DOCK3: variants seen among roughly 807,000 people sequenced by gnomAD.
DOCK3 encodes dedicator of cytokinesis 3.
A neutral mutation model predicts 265.6 loss-of-function variants in DOCK3; 60 were observed. That is an observed-to-expected ratio of 0.23 (90% CI 0.18 to 0.28). The LOEUF (loss-of-function observed/expected upper bound fraction) is 0.28, where lower values mean the gene tolerates loss of function less well. DOCK3 is among the 10% of genes least tolerant of loss of function. DOCK3 has a pLI of 1.00. For synonymous variants in DOCK3, 881 were observed against 938.0 expected (o/e 0.94, Z 1.11); for missense variants, 1,981 against 2,594.3 (o/e 0.76, Z 5.14).
At chr3:51,205,157 A>G (rs1469969953) in intron 12 of DOCK3, among the ~76,000 whole-genome samples, 1 of 152,106 alleles carries the variant, frequency 6.6e-6, no homozygotes. Context: ...GCTAAAACTT[A>G]AAGTATAATA....
intron 5 of DOCK3, among the ~76,000 whole-genome samples, chr3:51,039,222 C>G (rs1348168319): frequency 6.6e-6 from 1 of 152,084 alleles, no homozygotes; most frequent in Admixed American, 6.6e-5. Context: ...TCTCAAACTC[C>G]TCACCTCAGG....
chr3:50,891,299 G>A (rs551396006), intron 4 of DOCK3, among the ~76,000 whole-genome samples: 1 of 152,138 alleles, frequency 6.6e-6, no homozygotes, highest in African/African-American at 2.4e-5. Flanking sequence ...ATTATTAATT[G>A]TCTTGTATGC....
At chr3:50,938,895 AAAT>A (rs201599440) in intron 5 of DOCK3, among the ~76,000 whole-genome samples, 1 of 151,698 alleles carries the variant, frequency 6.6e-6, no homozygotes, top group Non-Finnish European at 1.5e-5. Context: ...TGTAAAAAAA[AAAT>A]AATAATAATA....
At chr3:51,328,081 C>T (rs2084269115) in intron 32 of DOCK3, among the ~76,000 whole-genome samples, 1 of 152,108 alleles carries the variant, frequency 6.6e-6, no homozygotes, top group South Asian at 2.1e-4. Flanking sequence ...GTGCTCCCAC[C>T]CTGAGTTTCT....
chr3:51,306,723 C>G (rs1356650380), intron 27 of DOCK3, among the ~76,000 whole-genome samples: 2 of 152,132 alleles, frequency 1.3e-5, no homozygotes, highest in African/African-American at 4.8e-5. Flanking sequence ...TTATTGTATT[C>G]TTCAATCCTA....
chr3:50,981,862 A>AT (rs1358738598), intron 5 of DOCK3, among the ~76,000 whole-genome samples: 2 of 151,158 alleles, frequency 1.3e-5, no homozygotes, highest in African/African-American at 4.9e-5. Flanking sequence ...TATTTATTTT[A>AT]TTTTTGAGAT....
chr3:51,042,754 A>G (rs1460849777), intron 5 of DOCK3, among the ~76,000 whole-genome samples: 3 of 152,238 alleles, frequency 2.0e-5, no homozygotes, highest in Admixed American at 1.3e-4. Context: ...GTCCCAGGAT[A>G]CACAATCAAT....
At chr3:50,819,628 A>G (rs2044288712) in intron 2 of DOCK3, among the ~76,000 whole-genome samples, 1 of 152,166 alleles carries the variant, frequency 6.6e-6, no homozygotes, top group South Asian at 2.1e-4. Flanking sequence ...ATGCATTAGC[A>G]TGTTAAACGA....
chr3:50,720,794 C>T (rs550210323), intron 1 of DOCK3, among the ~76,000 whole-genome samples: 1 of 152,286 alleles, frequency 6.6e-6, no homozygotes, highest in African/African-American at 2.4e-5. Flanking sequence ...TCCACAATGG[C>T]TGAACCAATT....
In DOCK3 at chr3:50,759,551, A is replaced by G. The variant is rs566039689; in HGVS notation, c.38-19124A>G. ...AGTCTTTTGCCTATTTTAAGAATCAATTTGGGTTGGGTGTTTTGGCCCACA... is the reference window on the plus strand; with the variant it reads ...AGTCTTTTGCCTATTTTAAGAATCAGTTTGGGTTGGGTGTTTTGGCCCACA... On this transcript the variant is annotated intron_variant, in intron 1 of 52. Transcript: ENST00000266037. Among the ~76,000 whole-genome samples the G allele has an allele frequency of 2.8e-4, 42 of 151,928 alleles. 1 individual carries two copies. Among genetic ancestry groups the G allele is most frequent in the Admixed American group, 1.1e-3 (17 of 15,240 alleles).
intron 14 of DOCK3, among the ~76,000 whole-genome samples, chr3:51,223,560 TAAAA>T (rs950787763): frequency 3.3e-5 from 5 of 151,810 alleles, no homozygotes; most frequent in Non-Finnish European, 7.4e-5. Context: ...GAATAAATAA[TAAAA>T]AAAATCTAGA....
chr3:51,275,271 A>G (rs2080752130), intron 25 of DOCK3, 65 bp downstream of exon 25: 2 of 1,601,638 alleles, frequency 1.2e-6, no homozygotes, highest in Non-Finnish European at 8.5e-7. Flanking sequence ...CTTTAGCCAG[A>G]GGCAGACCAA....
intron 1 of DOCK3, among the ~76,000 whole-genome samples, chr3:50,677,612 C>A (rs1224044998): frequency 6.6e-6 from 1 of 152,182 alleles, no homozygotes; most frequent in African/African-American, 2.4e-5. Flanking sequence ...AAACCCCTTA[C>A]ACTTACTTCC....
intron 1 of DOCK3, among the ~76,000 whole-genome samples, chr3:50,676,935 A>G (rs553335885): frequency 2.0e-5 from 3 of 152,342 alleles, no homozygotes; most frequent in African/African-American, 7.2e-5. Flanking sequence ...CTTAGTATTT[A>G]GACTAATAAC....
intron 2 of DOCK3, among the ~76,000 whole-genome samples, chr3:50,790,031 C>T (rs2042384494): frequency 6.6e-6 from 1 of 152,148 alleles, no homozygotes; most frequent in Non-Finnish European, 1.5e-5. Context: ...CCATGCGTGG[C>T]CTAGTCCTTT....
At chr3:51,109,870 T>C (rs1238611780) in intron 9 of DOCK3, among the ~76,000 whole-genome samples, 4 of 151,708 alleles carry the variant, frequency 2.6e-5, no homozygotes, top group Non-Finnish European at 4.4e-5. Context: ...GAGGTAGAGG[T>C]TACAGTAAGC....
At chr3:51,141,991 T>C (rs938517106) in intron 9 of DOCK3, among the ~76,000 whole-genome samples, 1 of 151,974 alleles carries the variant, frequency 6.6e-6, no homozygotes, top group Non-Finnish European at 1.5e-5. Flanking sequence ...CTTTACTGTT[T>C]TTTATTTCCT....
intron 9 of DOCK3, among the ~76,000 whole-genome samples, chr3:51,117,790 G>T (rs1243946558): frequency 7.9e-5 from 12 of 152,150 alleles, no homozygotes; most frequent in South Asian, 2.1e-4. Flanking sequence ...TTGTATTTCT[G>T]TGGGATCAGT....
intron 5 of DOCK3, among the ~76,000 whole-genome samples, chr3:50,958,106 C>T (rs571854499): frequency 1.3e-3 from 196 of 152,268 alleles, no homozygotes; most frequent in Non-Finnish European, 2.3e-3. Flanking sequence ...TTTGTCCAGT[C>T]CCACTGCTAT....
Sources: gnomAD v4.1 joint callset for allele counts (sites outside exome capture counted in the v4.1 genomes callset) on GRCh38, gnomAD v4.1.1 for gene constraint, MANE v1.5 for transcripts, NCBI Gene and HGNC (gene_info 2026-07-23, HGNC 2026-07-21) for gene names.